The following TRPS1 variants were observed in gnomAD, a reference collection of about 807,000 sequenced individuals.
TRPS1 encodes the protein transcriptional repressor GATA binding 1, also known as zinc finger transcription factor Trps1.
Under a neutral mutation model 101.2 loss-of-function variants are expected in TRPS1, and 6 were observed. The ratio of observed to expected loss-of-function variants is 0.06; its 90% CI spans 0.03 to 0.12. The LOEUF (loss-of-function observed/expected upper bound fraction) is 0.12. TRPS1 is among the 10% of genes least tolerant of loss of function. TRPS1 has a pLI of 1.00. For synonymous variants in TRPS1, 578 were observed against 589.8 expected (o/e 0.98, Z 0.29); for missense variants, 1,363 against 1,567.0 (o/e 0.87, Z 2.20).
intron 5 of TRPS1, among the ~76,000 whole-genome samples, chr8:115,527,429 G>C (rs1459180246): frequency 2.0e-5 from 3 of 151,858 alleles, no homozygotes; most frequent in African/African-American, 7.3e-5. Flanking sequence ...AATATTTGAA[G>C]ATCATACTAT....
chr8:115,520,217 T>C (rs1563570946), intron 5 of TRPS1, among the ~76,000 whole-genome samples: 1 of 151,838 alleles, frequency 6.6e-6, no homozygotes, highest in African/African-American at 2.4e-5. Context: ...ACAGTTATCC[T>C]TAGGTTTAAG....
At chr8:115,443,738 G>C (rs1459432565) in intron 5 of TRPS1, among the ~76,000 whole-genome samples, 1 of 152,096 alleles carries the variant, frequency 6.6e-6, no homozygotes, top group Non-Finnish European at 1.5e-5. Flanking sequence ...TTCAGTGATT[G>C]GATAACATTA....
intron 5 of TRPS1, among the ~76,000 whole-genome samples, chr8:115,546,879 G>A (rs950874565): frequency 1.3e-5 from 2 of 152,132 alleles, no homozygotes; most frequent in African/African-American, 4.8e-5. Flanking sequence ...GATGTCACAA[G>A]TACGGACAAG....
chr8:115,446,173 G>A (rs939026181), intron 5 of TRPS1, among the ~76,000 whole-genome samples: 18 of 152,030 alleles, frequency 1.2e-4, no homozygotes, highest in Admixed American at 2.6e-4. Flanking sequence ...CATTCAAAAT[G>A]TAAGGATGTT....
chr8:115,473,752 T>C (rs116952857), intron 5 of TRPS1, among the ~76,000 whole-genome samples: 3 of 152,318 alleles, frequency 2.0e-5, no homozygotes, highest in Non-Finnish European at 2.9e-5. Context: ...TTCTGAAATA[T>C]ATTAATTACT....
intron 5 of TRPS1, among the ~76,000 whole-genome samples, chr8:115,519,884 A>G (rs2130223099): frequency 6.6e-6 from 1 of 151,914 alleles, no homozygotes; most frequent in African/African-American, 2.4e-5. Flanking sequence ...ATAAATTGCT[A>G]AACAAAATAA....
intron 1 of TRPS1, among the ~76,000 whole-genome samples, chr8:115,642,865 A>T (rs2737237): frequency 0.056 from 4,888 of 86,786 alleles, 104 homozygotes; most frequent in African/African-American, 0.078. Flanking sequence ...TATATATATA[A>T]ATATATATAT....
At chr8:115,493,139 CTGGACTAT>C (rs1815069424) in intron 5 of TRPS1, among the ~76,000 whole-genome samples, 1 of 152,162 alleles carries the variant, frequency 6.6e-6, no homozygotes. Flanking sequence ...TATCCACCCC[CTGGACTAT>C]TAGCAAGAGT....
intron 2 of TRPS1, among the ~76,000 whole-genome samples, chr8:115,622,744 T>C (rs1206749187): frequency 6.6e-6 from 1 of 152,146 alleles, no homozygotes; most frequent in African/African-American, 2.4e-5. Context: ...ATAAAAATCC[T>C]ATATCAAAAG....
At chr8:115,634,296 A>G (rs1400936550) in intron 1 of TRPS1, among the ~76,000 whole-genome samples, 2 of 152,182 alleles carry the variant, frequency 1.3e-5, no homozygotes, top group Non-Finnish European at 2.9e-5. Context: ...TAGTTGACTG[A>G]TCCCCAATCT....
At chr8:115,444,285 G>C (rs916415304) in intron 5 of TRPS1, among the ~76,000 whole-genome samples, 4 of 150,904 alleles carry the variant, frequency 2.7e-5, no homozygotes, top group Admixed American at 2.6e-4. Context: ...TGTCCAACAT[G>C]GTACATACAA....
chr8:115,652,084 AGATT>A (rs1255038733), intron 1 of TRPS1, among the ~76,000 whole-genome samples: 1 of 152,234 alleles, frequency 6.6e-6, no homozygotes, highest in Non-Finnish European at 1.5e-5. Context: ...AAAAGTGCAT[AGATT>A]AAGAGAACAT....
At chr8:115,575,378 T>C (rs573546901) in intron 5 of TRPS1, among the ~76,000 whole-genome samples, 1 of 152,208 alleles carries the variant, frequency 6.6e-6, no homozygotes, top group African/African-American at 2.4e-5. Flanking sequence ...TACAAATCTA[T>C]GTTTGCAGGT....
intron 5 of TRPS1, among the ~76,000 whole-genome samples, chr8:115,436,126 TC>T (rs1219682702): frequency 6.6e-6 from 1 of 152,086 alleles, no homozygotes; most frequent in African/African-American, 2.4e-5. Flanking sequence ...CTTTTATTTT[TC>T]TTCAGTTGTG....
At chr8:115,472,384 C>A (rs1336013917) in intron 5 of TRPS1, among the ~76,000 whole-genome samples, 1 of 152,162 alleles carries the variant, frequency 6.6e-6, no homozygotes, top group Non-Finnish European at 1.5e-5. Flanking sequence ...CACAGGTCAG[C>A]AAGTCTTGAG....
chr8:115,574,285 AGGTTAGTTT>A (rs1817269270), intron 5 of TRPS1, among the ~76,000 whole-genome samples: 1 of 152,148 alleles, frequency 6.6e-6, no homozygotes, highest in African/African-American at 2.4e-5. Flanking sequence ...GTTTGAGTAC[AGGTTAGTTT>A]GGTCTAGTGA....
chr8:115,653,615 T>C (rs1441086996), intron 1 of TRPS1, among the ~76,000 whole-genome samples: 2 of 151,998 alleles, frequency 1.3e-5, no homozygotes, highest in East Asian at 3.9e-4. Flanking sequence ...ATTTACAAGA[T>C]ATTTATAAAA....
chr8:115,620,512 C>T (rs1460411964), intron 2 of TRPS1, among the ~76,000 whole-genome samples: 1 of 151,994 alleles, frequency 6.6e-6, no homozygotes, highest in African/African-American at 2.4e-5. Flanking sequence ...TAGAATACAT[C>T]ACATTTATTT....
At chr8:115,542,441 G>GATTT (rs776904884) in intron 5 of TRPS1, among the ~76,000 whole-genome samples, 1 of 150,504 alleles carries the variant, frequency 6.6e-6, no homozygotes, top group Non-Finnish European at 1.5e-5. Flanking sequence ...ATACTAAGAT[G>GATTT]ATTTATTTAT....
Sources: allele counts gnomAD v4.1 joint callset (sites outside exome capture counted in the v4.1 genomes callset), GRCh38; gene constraint gnomAD v4.1.1; transcripts MANE v1.5; gene names NCBI Gene and HGNC (gene_info 2026-07-23, HGNC 2026-07-21).